The following ARL13B variants were observed in gnomAD, a reference collection of about 807,000 sequenced individuals.
ARL13B encodes ADP-ribosylation factor-like protein 13B.
In ARL13B, 36 loss-of-function variants were observed where a neutral mutation model predicts 56.1. The ratio of observed to expected loss-of-function variants is 0.64; its 90% CI spans 0.49 to 0.85. The LOEUF (loss-of-function observed/expected upper bound fraction) is 0.85, where lower values mean the gene tolerates loss of function less well. Among genes scored for constraint, ARL13B ranks in the 40% least tolerant of loss-of-function variants. ARL13B has a pLI of 0.00. For missense variants in ARL13B, 519 were observed against 507.1 expected, an observed-to-expected ratio of 1.02 and a Z score of -0.23; for synonymous variants, 178 against 171.1, an observed-to-expected ratio of 1.04 and a Z score of -0.32.
At chr3:94,036,334 C>G (rs2076766868) in intron 4 of ARL13B, among the ~76,000 whole-genome samples, 1 of 152,028 alleles carries the variant, frequency 6.6e-6, no homozygotes, top group Non-Finnish European at 1.5e-5. Flanking sequence ...TTTATAATAT[C>G]TTACATAGTG....
At chr3:94,025,798 G>A (rs746473804) in intron 3 of ARL13B, among the ~76,000 whole-genome samples, 3 of 152,016 alleles carry the variant, frequency 2.0e-5, no homozygotes, top group Non-Finnish European at 2.9e-5. Context: ...ATAATCCTGG[G>A]CAAGTCAACA....
chr3:94,031,439 T>C (rs1456714616), intron 3 of ARL13B, among the ~76,000 whole-genome samples: 1 of 152,096 alleles, frequency 6.6e-6, no homozygotes, highest in East Asian at 1.9e-4. Flanking sequence ...CTTGGGGAAA[T>C]GGATGATTGC....
chr3:94,052,948 A>T (rs1560019369), intron 9 of ARL13B, among the ~76,000 whole-genome samples: 1 of 152,084 alleles, frequency 6.6e-6, no homozygotes, highest in Non-Finnish European at 1.5e-5. Context: ...GCATGTGTGG[A>T]TTGAAGGCAA....
rs1326741097 is a variant in ARL13B, at chr3:94,055,613, A to G, written c.*2350A>G. The G allele has an allele frequency of 2.2e-6, 1 of 453,922 alleles. No homozygotes were observed. Among genetic ancestry groups the G allele is most frequent in the Non-Finnish European group, 4.4e-6 (1 of 226,656 alleles). The allele number at this position is 453,922 out of a possible 1,614,324, so 28.1% of individuals were successfully genotyped here. A position where few individuals can be genotyped will look rare whatever the true frequency, so the allele number is the denominator to read the frequency against. On this transcript the variant is annotated 3_prime_UTR_variant, in exon 10 of 10. Transcript: ENST00000394222. ...GTGTGCCTTTATGTGTAAAATGCAT[A>G]TTACGTAGTATACATGATATTGTAT...
chr3:94,026,524 T>G (rs2076561802), intron 3 of ARL13B, among the ~76,000 whole-genome samples: 1 of 152,214 alleles, frequency 6.6e-6, no homozygotes, highest in Non-Finnish European at 1.5e-5. Context: ...CATAACTATA[T>G]GTATAACTAT....
At chr3:94,004,764 T>G (rs1355688296) in intron 3 of ARL13B, among the ~76,000 whole-genome samples, 5 of 152,124 alleles carry the variant, frequency 3.3e-5, no homozygotes, top group Admixed American at 3.3e-4. Context: ...AAAACTGTAT[T>G]ATATAATTTA....
chr3:93,992,791 T>C (rs1468348120), intron 1 of ARL13B, among the ~76,000 whole-genome samples: 1 of 152,026 alleles, frequency 6.6e-6, no homozygotes, highest in Non-Finnish European at 1.5e-5. Flanking sequence ...ATTTTATCAT[T>C]GTGTTTTATT....
intron 1 of ARL13B, among the ~76,000 whole-genome samples, chr3:93,980,896 G>T (rs1710183075): frequency 6.6e-6 from 1 of 152,166 alleles, no homozygotes; most frequent in Admixed American, 6.5e-5. Flanking sequence ...CCACACAGTT[G>T]TATTTGAGGA....
At chr3:94,026,202 G>A (rs192417212) in intron 3 of ARL13B, among the ~76,000 whole-genome samples, 1 of 152,140 alleles carries the variant, frequency 6.6e-6, no homozygotes. Context: ...TATATTTTTA[G>A]TAGAGATGGG....
intron 1 of ARL13B, among the ~76,000 whole-genome samples, chr3:93,984,271 AC>A (rs1370952500): frequency 1.3e-5 from 2 of 151,982 alleles, no homozygotes; most frequent in African/African-American, 4.8e-5. Context: ...CAGGAGAATC[AC>A]TTGAACCTGG....
At chr3:93,984,093 C>T (rs1454056814) in intron 1 of ARL13B, among the ~76,000 whole-genome samples, 10 of 152,198 alleles carry the variant, frequency 6.6e-5, no homozygotes, top group East Asian at 5.8e-4. Flanking sequence ...CGGTGGCTCA[C>T]GCCTGTAGTC....
At chr3:94,014,325 G>T in intron 3 of ARL13B, 1 of 1,361,240 alleles carries the variant, frequency 7.3e-7, no homozygotes. Context: ...AACAATACAA[G>T]ACACTGAAAT....
At position 94,003,769 on chromosome 3, in the gene ARL13B, A is replaced by T. The variant is rs2076090377; in HGVS notation, c.241A>T (p.Ile81Phe). 2 of 1,613,670 alleles carry T rather than the reference A, an allele frequency of 1.2e-6. No homozygotes were observed. The highest frequency in any genetic ancestry group is 2.7e-5 in the African/African-American group (2 of 74,910). Reference protein sequence around the residue: ...DLGGGIRIRGIWKNYYAESYG... With the variant: ...DLGGGIRIRGFWKNYYAESYG... ...GGGAGGTGGAATAAGAATTCGGGGA[A>T]TCTGGAAGAATTACTATGCTGAATC... Residue 81 changes from isoleucine to phenylalanine, a missense_variant, in exon 3 of 10, where the codon ATC (isoleucine) becomes TTC (phenylalanine). Transcript: ENST00000394222.
At chr3:94,049,671 C>G (rs2077039677) in intron 8 of ARL13B, 149 bp downstream of exon 8, 2 of 560,374 alleles carry the variant, frequency 3.6e-6, no homozygotes, top group African/African-American at 1.9e-5. Flanking sequence ...CTGATTTGGA[C>G]AAAATTTGCT....
chr3:94,021,947 G>A (rs1309792717), intron 3 of ARL13B, among the ~76,000 whole-genome samples: 1 of 151,774 alleles, frequency 6.6e-6, no homozygotes, highest in Non-Finnish European at 1.5e-5. Context: ...TCATGTCAAG[G>A]CTTCTAAAGA....
intron 3 of ARL13B, among the ~76,000 whole-genome samples, chr3:94,018,632 TGC>T (rs1393454477): frequency 1.3e-5 from 2 of 152,168 alleles, no homozygotes; most frequent in African/African-American, 4.8e-5. Context: ...CTTAAAAAAC[TGC>T]CTACCTGACA....
intron 1 of ARL13B, among the ~76,000 whole-genome samples, chr3:93,982,758 G>A (rs1710281029): frequency 6.6e-6 from 1 of 152,114 alleles, no homozygotes; most frequent in South Asian, 2.1e-4. Flanking sequence ...AAGTCCCCTT[G>A]TTCAATGCCT....
intron 9 of ARL13B, 73 bp downstream of exon 9, chr3:94,050,965 C>T: frequency 7.1e-7 from 1 of 1,412,340 alleles, no homozygotes; most frequent in Non-Finnish European, 9.9e-7. Context: ...CTTATAATTT[C>T]AACAAACTTA....
At position 94,036,679 on chromosome 3, in the gene ARL13B, C is replaced by T; in HGVS notation, c.614C>T (p.Thr205Ile). 6.2e-7 allele frequency: 1 copy of T among 1,613,892 alleles called. No individual in the cohort carries two copies. The highest frequency in any genetic ancestry group is 1.1e-5 in the South Asian group (1 of 91,064). The change falls in exon 5 of 10, where the codon ACA (threonine) becomes ATA (isoleucine). Residue 205 changes from threonine to isoleucine, a missense_variant. Coordinates refer to ENST00000394222, the MANE Select transcript of ARL13B (RefSeq NM_001174150.2). ...TTAAATGAACGCATCCAAAAAGAGA[C>T]AACAGAGCAGCGTGCTCTTGAGGAA... is the stretch of plus-strand genomic sequence containing the variant. Reference protein sequence around the residue: ...DALNERIQKETTEQRALEEQE... With the variant: ...DALNERIQKEITEQRALEEQE...
Sources: allele counts gnomAD v4.1 joint callset (sites outside exome capture counted in the v4.1 genomes callset), GRCh38; gene constraint gnomAD v4.1.1; transcripts MANE v1.5; gene names NCBI Gene and HGNC (gene_info 2026-07-23, HGNC 2026-07-21).